The following LNPEP variants were observed in gnomAD, a reference collection of about 807,000 sequenced individuals.
The protein encoded by LNPEP is leucyl and cystinyl aminopeptidase, also known as leucyl-cystinyl aminopeptidase.
LNPEP carries 64 observed loss-of-function variants against 120.6 expected under a neutral mutation model. That is an observed-to-expected ratio of 0.53 (90% confidence interval 0.43 to 0.65). The LOEUF (loss-of-function observed/expected upper bound fraction) is 0.65, where lower values mean the gene tolerates loss of function less well. Ranked by LOEUF, LNPEP falls within the 30% of genes least tolerant of loss-of-function variation. The pLI is 0.00. For synonymous variants in LNPEP, 435 were observed against 425.4 expected (o/e 1.02, Z -0.28); for missense variants, 1,057 against 1,200.0 (o/e 0.88, Z 1.76).
At chr5:96,967,444 G>C (rs10076136) in intron 1 of LNPEP, among the ~76,000 whole-genome samples, 75,520 of 151,710 alleles carry the variant, frequency 0.5, 18,987 homozygotes, top group African/African-American at 0.57. Flanking sequence ...TGTGCCTGGC[G>C]TCTTCACTAT....
intron 8 of LNPEP, 48 bp from the exon 9 acceptor site, chr5:97,003,367 T>C (rs751827362): frequency 3.6e-6 from 4 of 1,114,468 alleles, no homozygotes; most frequent in Non-Finnish European, 5.1e-6. Context: ...CGATAATCTA[T>C]AGTATTCTAT....
At chr5:97,006,320 G>T in intron 10 of LNPEP, 87 bp downstream of exon 10, 5 of 1,315,270 alleles carry the variant, frequency 3.8e-6, no homozygotes, top group Non-Finnish European at 5.4e-6. Flanking sequence ...AAGTTCTTGT[G>T]AAACCTAACA....
chr5:96,963,553 A>C (rs951880783), intron 1 of LNPEP, among the ~76,000 whole-genome samples: 1 of 152,104 alleles, frequency 6.6e-6, no homozygotes, highest in Non-Finnish European at 1.5e-5. Flanking sequence ...ATTTCTTCTC[A>C]TGGGGCTCTC....
chr5:97,017,625 T>C (rs1345801182), intron 13 of LNPEP, among the ~76,000 whole-genome samples: 1 of 152,202 alleles, frequency 6.6e-6, no homozygotes, highest in African/African-American at 2.4e-5. Context: ...AGATTCATTC[T>C]TTTCAGTATG....
chr5:96,936,249 G>A, intron 1 of LNPEP, 75 bp downstream of exon 1: 14 of 1,251,588 alleles, frequency 1.1e-5, no homozygotes, highest in Non-Finnish European at 1.4e-5. Flanking sequence ...TGACACGCGG[G>A]GTCGGGCTGC....
intron 14 of LNPEP, among the ~76,000 whole-genome samples, chr5:97,023,408 C>T (rs542762923): frequency 6.6e-6 from 1 of 152,218 alleles, no homozygotes; most frequent in East Asian, 1.9e-4. Flanking sequence ...CATCCGCCAC[C>T]ACACCTGGCT....
Position 97,009,983 on chromosome 5 carries a change from T to A in LNPEP, c.2035+3468T>A, listed in dbSNP as rs144647083. Among the ~76,000 whole-genome samples the A allele has an allele frequency of 3.5e-4, 54 of 152,284 alleles. 1 individual carries two copies. In the East Asian group the frequency reaches 9.6e-3, roughly 27 times the overall value. On this transcript the variant is annotated intron_variant, in intron 11 of 17. Transcript: ENST00000231368. ...CTTTCTTTTTTTAAATATATTTTCA[T>A]GTGTTCTAATTCAAGGGTTGTTGGG...
At chr5:96,976,861 G>A (rs1790010993) in intron 1 of LNPEP, among the ~76,000 whole-genome samples, 1 of 151,376 alleles carries the variant, frequency 6.6e-6, no homozygotes, top group Non-Finnish European at 1.5e-5. Flanking sequence ...ATTGAATACA[G>A]CAATATTTGC....
At chr5:96,998,622 C>T (rs1056340239) in intron 8 of LNPEP, among the ~76,000 whole-genome samples, 4 of 152,120 alleles carry the variant, frequency 2.6e-5, no homozygotes, top group Non-Finnish European at 4.4e-5. Flanking sequence ...AAACCCCATT[C>T]GGATCACCAT....
chr5:96,988,213 T>C (rs917057945), intron 4 of LNPEP, among the ~76,000 whole-genome samples: 2 of 152,112 alleles, frequency 1.3e-5, no homozygotes, highest in African/African-American at 4.8e-5. Flanking sequence ...ACCTGTAGGA[T>C]TACATTCAGA....
intron 3 of LNPEP, among the ~76,000 whole-genome samples, chr5:96,985,780 A>G (rs577728700): frequency 1.3e-5 from 2 of 149,482 alleles, no homozygotes; most frequent in East Asian, 1.9e-4. Flanking sequence ...TTGGTCTTAG[A>G]CACCTGAGGG....
At chr5:97,020,631 C>G (rs2112666108) in intron 13 of LNPEP, among the ~76,000 whole-genome samples, 1 of 152,118 alleles carries the variant, frequency 6.6e-6, no homozygotes, top group South Asian at 2.1e-4. Flanking sequence ...GAAACCCTGT[C>G]TCTACTAAAA....
chr5:97,002,099 A>G (rs968570254), intron 8 of LNPEP, among the ~76,000 whole-genome samples: 1 of 152,190 alleles, frequency 6.6e-6, no homozygotes, highest in Non-Finnish European at 1.5e-5. Flanking sequence ...AGGTCGCACC[A>G]CTGCACTCCA....
intron 1 of LNPEP, among the ~76,000 whole-genome samples, chr5:96,956,642 T>G (rs1789475644): frequency 6.6e-6 from 1 of 152,236 alleles, no homozygotes; most frequent in Non-Finnish European, 1.5e-5. Flanking sequence ...TTCTATGAGT[T>G]TATTCCTTTT....
At position 96,997,995 on chromosome 5, in the gene LNPEP, T is replaced by A; in HGVS notation, c.1522-19T>A. The A allele has an allele frequency of 6.6e-7, 1 of 1,511,474 alleles. No homozygotes were observed. The highest frequency in any genetic ancestry group is 9.0e-7 in the Non-Finnish European group (1 of 1,107,844). 93.6% of individuals were successfully genotyped at this position (1,511,474 alleles called of 1,614,324 possible). A position where few individuals can be genotyped will look rare whatever the true frequency, so the allele number is the denominator to read the frequency against. ...TTTGATACTACTTGTGATATTCTAA[T>A]CTTTTCATTTTTTGACAGTATGAAG... On this transcript the variant is annotated intron_variant, in intron 7 of 17. Transcript: ENST00000231368.
At chr5:97,019,946 G>A (rs188580601) in intron 13 of LNPEP, among the ~76,000 whole-genome samples, 5 of 152,250 alleles carry the variant, frequency 3.3e-5, no homozygotes, top group East Asian at 1.9e-4. Context: ...TTGCTTGTCC[G>A]TTCCTTGCAT....
chr5:96,995,645 C>T (rs1790498650), intron 6 of LNPEP, among the ~76,000 whole-genome samples: 3 of 152,102 alleles, frequency 2.0e-5, no homozygotes, highest in Non-Finnish European at 4.4e-5. Flanking sequence ...CCTCCCGCCT[C>T]ATCCTCCCGA....
intron 14 of LNPEP, among the ~76,000 whole-genome samples, chr5:97,022,923 CACATA>C (rs1283902531): frequency 6.6e-6 from 1 of 151,428 alleles, no homozygotes. Context: ...TGGTAAAATA[CACATA>C]ACATAAAATT....
chr5:96,965,964 C>T (rs554416319), intron 1 of LNPEP, among the ~76,000 whole-genome samples: 3 of 152,120 alleles, frequency 2.0e-5, no homozygotes, highest in African/African-American at 4.8e-5. Flanking sequence ...TTATGTGCTA[C>T]GGTTTTTGTT....
Sources: gnomAD v4.1 joint callset for allele counts (sites outside exome capture counted in the v4.1 genomes callset) on GRCh38, gnomAD v4.1.1 for gene constraint, MANE v1.5 for transcripts, NCBI Gene and HGNC (gene_info 2026-07-23, HGNC 2026-07-21) for gene names.